The following KIF17 variants were observed in gnomAD, a reference collection of about 807,000 sequenced individuals.
KIF17 encodes the protein kinesin family member 17.
In KIF17, 80 loss-of-function variants were observed where a neutral mutation model predicts 96.8. That is an observed-to-expected ratio of 0.83 (90% CI 0.69 to 1.00). The LOEUF is 1.00. KIF17 is among the 50% of genes least tolerant of loss of function. The pLI, the probability that KIF17 is intolerant of heterozygous loss-of-function variation, is 0.00. For missense variants in KIF17, 1,280 were observed against 1,372.9 expected, an observed-to-expected ratio of 0.93 and a Z score of 1.07; for synonymous variants, 567 against 587.5, an observed-to-expected ratio of 0.97 and a Z score of 0.51.
chr1:20,696,829 C>T (rs1014003809), intron 6 of KIF17, among the ~76,000 whole-genome samples: 5 of 152,166 alleles, frequency 3.3e-5, no homozygotes, highest in Non-Finnish European at 5.9e-5. Context: ...TTTCTGCGGG[C>T]TTGTCTGAGC....
intron 7 of KIF17, among the ~76,000 whole-genome samples, chr1:20,689,559 G>C (rs553243402): frequency 1.8e-4 from 27 of 152,228 alleles, no homozygotes; most frequent in Admixed American, 3.9e-4. Flanking sequence ...ACTGAGGCAC[G>C]AGAATTGCTT....
At chr1:20,676,245 A>T (rs1023884301) in intron 11 of KIF17, among the ~76,000 whole-genome samples, 4 of 152,228 alleles carry the variant, frequency 2.6e-5, no homozygotes, top group Admixed American at 6.5e-5. Context: ...ATATGCAATA[A>T]TTTTTTAACA....
intron 12 of KIF17, 23 bp from the exon 13 acceptor site, chr1:20,670,511 GA>G: frequency 6.2e-7 from 1 of 1,612,934 alleles, no homozygotes; most frequent in South Asian, 1.1e-5. Flanking sequence ...AACAAAAGCT[GA>G]AGTCACTGCT....
At chr1:20,714,796 CAAAAAA>C (rs34182653) in intron 2 of KIF17, among the ~76,000 whole-genome samples, 1 of 107,662 alleles carries the variant, frequency 9.3e-6, no homozygotes, top group Non-Finnish European at 1.8e-5. Flanking sequence ...GACTCCGTCT[CAAAAAA>C]AAAAAAAAAA....
At chr1:20,684,571 T>C (rs13374582) in intron 10 of KIF17, among the ~76,000 whole-genome samples, 1 of 152,230 alleles carries the variant, frequency 6.6e-6, no homozygotes, top group African/African-American at 2.4e-5. Context: ...CACTCTGCCC[T>C]GGGACTCCTG....
Position 20,664,473 on chromosome 1 carries a change from C to G in KIF17, c.*111G>C. ...GTCTTCCCAGGGCTGAGGGAGCCCT[C>G]AGGCCCCGGAGCGCTGTGTGGCAGG... is the stretch of plus-strand genomic sequence containing the variant. On this transcript the variant is annotated 3_prime_UTR_variant, in exon 15 of 15. Coordinates refer to ENST00000400463, the MANE Select transcript of KIF17 (RefSeq NM_001122819.3). 6.3e-7 allele frequency: 1 copy of G among 1,599,800 alleles called. No homozygotes were observed. Among genetic ancestry groups the G allele is most frequent in the Non-Finnish European group, 8.5e-7 (1 of 1,175,132 alleles).
At chr1:20,667,420 T>C (rs899588504) in intron 13 of KIF17, among the ~76,000 whole-genome samples, 1 of 152,200 alleles carries the variant, frequency 6.6e-6, no homozygotes, top group Admixed American at 6.5e-5. Context: ...TTCTACATGA[T>C]GGTGAGTTAT....
chr1:20,687,047 G>A lies in KIF17; in HGVS notation c.1938+341C>T, dbSNP rs558401243. The stretch of plus-strand genomic sequence containing the variant: ...GCCAGTGAGCGTCGCCCAGGGCTCC[G>A]TCAGGCCTGGACACTCACTGTAACC... On this transcript the variant is annotated intron_variant, in intron 8 of 14. Transcript: ENST00000400463. This position sits in a 1 kb window ranked among gnomAD's most constrained non-coding sequence, Gnocchi z 4.4. Among the ~76,000 whole-genome samples the A allele has an allele frequency of 3.9e-5, 6 of 152,142 alleles. No homozygotes were observed. Among genetic ancestry groups the A allele is most frequent in the South Asian group, 2.1e-4 (1 of 4,826 alleles).
At chr1:20,669,995 A>T (rs1410259303) in intron 13 of KIF17, among the ~76,000 whole-genome samples, 5 of 38,954 alleles carry the variant, frequency 1.3e-4, no homozygotes, top group Non-Finnish European at 2.9e-4. Flanking sequence ...TAGAAAAAGA[A>T]AAAAAAAAAA....
intron 3 of KIF17, among the ~76,000 whole-genome samples, chr1:20,712,113 C>CTTCG (rs1384022677): frequency 2.0e-5 from 3 of 152,160 alleles, no homozygotes; most frequent in Admixed American, 2.0e-4. Context: ...AGCTGCCAGC[C>CTTCG]TTCGGCCCCT....
chr1:20,666,333 T>C lies in KIF17; in HGVS notation c.2791-2A>G. The C allele has an allele frequency of 6.2e-7, 1 of 1,608,552 alleles. No homozygotes were observed. The highest frequency in any genetic ancestry group is 1.1e-5 in the South Asian group (1 of 90,992). ...CATGAGCCTGTAGCGGTCGTCCTCCTGCCGAGATGCAGATGCCCGTGGTCA... is the reference window on the plus strand; with the variant it reads ...CATGAGCCTGTAGCGGTCGTCCTCCCGCCGAGATGCAGATGCCCGTGGTCA... On this transcript the variant is annotated splice_acceptor_variant, in intron 13 of 14. Coordinates refer to ENST00000400463, the MANE Select transcript of KIF17 (RefSeq NM_001122819.3). LOFTEE classifies it high-confidence loss of function.
intron 5 of KIF17, 101 bp from the exon 6 acceptor site, chr1:20,698,589 G>C (rs1018933183): frequency 2.7e-6 from 2 of 751,856 alleles, no homozygotes; most frequent in Non-Finnish European, 4.6e-6. Context: ...CATTCAAGAA[G>C]ACTTTAAAGT....
intron 5 of KIF17, among the ~76,000 whole-genome samples, chr1:20,702,407 C>T (rs758619184): frequency 7.7e-4 from 117 of 152,284 alleles, no homozygotes; most frequent in Non-Finnish European, 1.1e-3. Flanking sequence ...GTGCGGGGGC[C>T]GCGGGCCGAG....
In KIF17 at chr1:20,704,464, C is replaced by G; in HGVS notation, c.1106G>C (p.Ser369Thr). 1.2e-6 allele frequency: 2 copies of G among 1,614,058 alleles called. No individual in the cohort carries two copies. Among genetic ancestry groups the G allele is most frequent in the Non-Finnish European group, 1.7e-6 (2 of 1,179,936 alleles). Residue 369 changes from serine (S) to threonine (T), a missense_variant, in exon 5 of 15, where the codon AGC becomes ACC. Coordinates refer to ENST00000400463, the MANE Select transcript of KIF17 (RefSeq NM_001122819.3). The surrounding 1 kb of genome is among the most constrained non-coding windows in gnomAD (Gnocchi z 6.8). ...GGTCCCACCTGACAGGCTGCTGGGG[C>G]TCATCTGCTGTGTCAGGATGGCCTT... is the stretch of plus-strand genomic sequence containing the variant. ...KLKAILTQQM[S>T]PSSLSALLSR...
At chr1:20,663,744 G>T (rs1391040062), downstream of KIF17, among the ~76,000 whole-genome samples, 1 of 152,238 alleles carries the variant, frequency 6.6e-6, no homozygotes, top group Non-Finnish European at 1.5e-5. Flanking sequence ...ACTGTCAAAA[G>T]CTGGGCCCTT....
intron 2 of KIF17, among the ~76,000 whole-genome samples, chr1:20,714,511 CAA>C (rs1339402514): frequency 6.6e-6 from 1 of 150,530 alleles, no homozygotes; most frequent in Non-Finnish European, 1.5e-5. Flanking sequence ...CAAAAACAAA[CAA>C]AGAAAAAGTG....
intron 1 of KIF17, among the ~76,000 whole-genome samples, chr1:20,716,190 C>G (rs1411521063): frequency 6.9e-6 from 1 of 145,476 alleles, no homozygotes; most frequent in East Asian, 2.0e-4. Flanking sequence ...TGCAGTGAGC[C>G]GAGGTCGTGC....
At chr1:20,686,264 G>A (rs2053937461) in intron 8 of KIF17, 138 bp from the exon 9 acceptor site, 1 of 732,710 alleles carries the variant, frequency 1.4e-6, no homozygotes, top group African/African-American at 1.7e-5. Context: ...TCACTCCCGA[G>A]AGAAGGAGCA....
rs1218055142 is a variant in KIF17 at position 20,717,744 on chromosome 1, C to A, written c.-38G>T. 6.6e-7 allele frequency: 1 copy of A among 1,512,816 alleles called. No homozygotes were observed. The highest frequency in any genetic ancestry group is 8.8e-7 in the Non-Finnish European group (1 of 1,137,724). 93.7% of individuals were successfully genotyped at this position (1,512,816 alleles called of 1,614,324 possible). On this transcript the variant is annotated 5_prime_UTR_variant, in exon 1 of 15. Coordinates refer to ENST00000400463, the MANE Select transcript of KIF17 (RefSeq NM_001122819.3). ...AGGACCAACGGGACCAGAGCTGACCCCCGCCCCGCCGGGGACTCCCAGCAG... is the reference window on the plus strand; with the variant it reads ...AGGACCAACGGGACCAGAGCTGACCACCGCCCCGCCGGGGACTCCCAGCAG...
Sources: allele counts gnomAD v4.1 joint callset (sites outside exome capture counted in the v4.1 genomes callset), GRCh38; gene constraint gnomAD v4.1.1; non-coding constraint Gnocchi (gnomAD v3.1); transcripts MANE v1.5; gene names NCBI Gene and HGNC (gene_info 2026-07-23, HGNC 2026-07-21).